MYO9A: variants seen among roughly 807,000 people sequenced by gnomAD.
The protein encoded by MYO9A is myosin IXA.
In MYO9A, 103 loss-of-function variants were observed where a neutral mutation model predicts 293.3. The observed-to-expected ratio is 0.35, with a 90% CI of 0.30 to 0.41. MYO9A has a LOEUF of 0.41. Among genes scored for constraint, MYO9A ranks in the 10% least tolerant of loss-of-function variants. The probability of loss-of-function intolerance (pLI) is 1.00; values close to 1 mark genes in which losing one functional copy is unlikely to be tolerated. For missense variants in MYO9A, 2,685 were observed against 3,033.0 expected (o/e 0.89, Z 2.69); for synonymous variants, 1,001 against 1,035.7 (o/e 0.97, Z 0.64).
At chr15:72,065,340 ACT>A (rs2078987614) in intron 1 of MYO9A, among the ~76,000 whole-genome samples, 1 of 151,790 alleles carries the variant, frequency 6.6e-6, no homozygotes, top group South Asian at 2.1e-4. Flanking sequence ...ACATGGAGAA[ACT>A]CTGTCTCTAC....
chr15:71,956,683 C>A (rs949252559), intron 14 of MYO9A, among the ~76,000 whole-genome samples: 2 of 150,416 alleles, frequency 1.3e-5, no homozygotes, highest in Non-Finnish European at 3.0e-5. Context: ...ATCTATATAT[C>A]TCTCTTATAT....
At chr15:71,873,045 T>C (rs1381373483) in intron 32 of MYO9A, among the ~76,000 whole-genome samples, 1 of 152,070 alleles carries the variant, frequency 6.6e-6, no homozygotes, top group Non-Finnish European at 1.5e-5. Flanking sequence ...CCCGAGCAGC[T>C]GGGATTACAG....
intron 26 of MYO9A, 163 bp downstream of exon 26, chr15:71,893,516 T>C: frequency 1.6e-6 from 1 of 641,862 alleles, no homozygotes; most frequent in Non-Finnish European, 2.6e-6. Context: ...CTGCCTGGAG[T>C]ACACCTTCAT....
chr15:71,959,692 T>G, intron 14 of MYO9A: 1 of 551,152 alleles, frequency 1.8e-6, no homozygotes, highest in Non-Finnish European at 3.2e-6. Context: ...ATCCTCATTA[T>G]TTTAAAGGCA....
intron 32 of MYO9A, among the ~76,000 whole-genome samples, chr15:71,872,952 G>A (rs559286208): frequency 1.1e-4 from 16 of 149,518 alleles, no homozygotes; most frequent in South Asian, 2.1e-4. Flanking sequence ...TCGCTCTGTC[G>A]CCCAGGCTGG....
chr15:72,028,414 G>A (rs1362513478), intron 3 of MYO9A, among the ~76,000 whole-genome samples: 5 of 151,282 alleles, frequency 3.3e-5, no homozygotes, highest in East Asian at 2.0e-4. Context: ...TTGGGAGGCC[G>A]AGGAGGGTGG....
chr15:71,991,293 T>A (rs2076536601), intron 10 of MYO9A, 56 bp from the exon 11 acceptor site: 1 of 1,393,982 alleles, frequency 7.2e-7, no homozygotes, highest in Non-Finnish European at 9.8e-7. Flanking sequence ...ATTTAATGAA[T>A]AATATCCACA....
chr15:72,077,140 G>T (rs938672697), intron 1 of MYO9A, among the ~76,000 whole-genome samples: 3 of 152,150 alleles, frequency 2.0e-5, no homozygotes, highest in Non-Finnish European at 2.9e-5. Flanking sequence ...AAGACAGCAT[G>T]GGGGAAAATC....
At chr15:71,876,746 G>T (rs138756221) in intron 31 of MYO9A, among the ~76,000 whole-genome samples, 1 of 152,130 alleles carries the variant, frequency 6.6e-6, no homozygotes, top group African/African-American at 2.4e-5. Flanking sequence ...TTGTTTTAAA[G>T]ATTTTACTTC....
chr15:71,959,796 T>C (rs2146967286), intron 14 of MYO9A, 105 bp downstream of exon 14: 1 of 1,052,164 alleles, frequency 9.5e-7, no homozygotes, highest in East Asian at 2.6e-5. Flanking sequence ...ATTTTTGTCC[T>C]TGAGAATCTC....
At chr15:72,060,343 T>C (rs1434324537) in intron 1 of MYO9A, among the ~76,000 whole-genome samples, 1 of 152,074 alleles carries the variant, frequency 6.6e-6, no homozygotes, top group African/African-American at 2.4e-5. Flanking sequence ...TGGATACTTA[T>C]AATCAAAACT....
chr15:71,919,714 C>T (rs1342228310), intron 18 of MYO9A, among the ~76,000 whole-genome samples: 2 of 151,540 alleles, frequency 1.3e-5, no homozygotes, highest in African/African-American at 2.4e-5. Context: ...TGGTGACAGG[C>T]GCCTATAATC....
chr15:72,063,549 G>GA (rs1026608761), intron 1 of MYO9A, among the ~76,000 whole-genome samples: 2 of 152,098 alleles, frequency 1.3e-5, no homozygotes, highest in Non-Finnish European at 2.9e-5. Flanking sequence ...AACTCAATAG[G>GA]AAAAAAATCT....
chr15:72,070,781 T>C lies in MYO9A; in HGVS notation c.-71-24147A>G, dbSNP rs551607351. 9.9e-4 allele frequency among the ~76,000 whole-genome samples: 151 copies of C among 152,112 alleles called. 1 individual carries two copies. Among genetic ancestry groups the C allele is most frequent in the African/African-American group, 3.5e-3 (147 of 41,476 alleles). On this transcript the variant is annotated intron_variant, in intron 1 of 41. Transcript: ENST00000356056. ...TACAACCAACTGATCTTCAATAAAG[T>C]TGACAATAATAAACAATGGGGAGAT...
chr15:72,007,946 G>C lies in MYO9A; in HGVS notation c.1260C>G (p.Phe420Leu). The change falls in exon 8 of 42, where the codon TTC becomes TTG. Residue 420 changes from phenylalanine (F) to leucine (L), a missense_variant. Transcript: ENST00000356056. The stretch of plus-strand genomic sequence containing the variant: ...AATGTAGTATGGCTGAGAGAAGAGA[G>C]AAAATCCTGGGAAAATAAAACACAA... Reference protein sequence around the residue: ...GFLPKTRRQIFSLLSAILHLG... With the variant: ...GFLPKTRRQILSLLSAILHLG... The C allele has an allele frequency of 1.9e-6, 3 of 1,607,784 alleles. No individual in the cohort carries two copies. The highest frequency in any genetic ancestry group is 1.1e-5 in the South Asian group (1 of 89,118).
intron 12 of MYO9A, among the ~76,000 whole-genome samples, chr15:71,968,379 A>G (rs1479325293): frequency 2.0e-5 from 3 of 152,186 alleles, no homozygotes; most frequent in African/African-American, 7.2e-5. Flanking sequence ...AAGTAGTAGT[A>G]CCAAGAAATT....
chr15:72,049,254 T>C (rs1476552690), intron 1 of MYO9A, among the ~76,000 whole-genome samples: 6 of 152,250 alleles, frequency 3.9e-5, no homozygotes, highest in African/African-American at 1.4e-4. Context: ...AAATGATCAA[T>C]TGATATTCAA....
rs751166373 is a variant in MYO9A, at chr15:71,830,251, A to G, written c.6898T>C (p.Leu2300=). ...PGPSSPVVVR[L]PSVSDVSEET... is the part of the protein sequence containing the mutation. Reference sequence around the variant, plus strand: ...TCTGAGACATCAGACACAGAAGGCAACCGAACTACAACAGGAGACGATGGA... The same window carrying G: ...TCTGAGACATCAGACACAGAAGGCAGCCGAACTACAACAGGAGACGATGGA... Residue 2300 remains leucine (L), a synonymous_variant, in exon 40 of 42, where the codon TTG becomes CTG. Transcript: ENST00000356056. The G allele has an allele frequency of 5.0e-6, 8 of 1,614,100 alleles. No homozygotes were observed. In the South Asian group the frequency reaches 7.7e-5, roughly 16 times the overall value.
intron 1 of MYO9A, among the ~76,000 whole-genome samples, chr15:72,052,552 G>A (rs984067402): frequency 6.6e-6 from 1 of 152,192 alleles, no homozygotes; most frequent in Non-Finnish European, 1.5e-5. Flanking sequence ...AAGAGAGAAG[G>A]AGAAAAGAGC....
Sources: gnomAD v4.1 joint callset for allele counts (sites outside exome capture counted in the v4.1 genomes callset) on GRCh38, gnomAD v4.1.1 for gene constraint, MANE v1.5 for transcripts, NCBI Gene and HGNC (gene_info 2026-07-23, HGNC 2026-07-21) for gene names.